The following BLMH variants were observed in gnomAD, a reference collection of about 807,000 sequenced individuals.
BLMH encodes bleomycin hydrolase.
In BLMH, 32 loss-of-function variants were observed where a neutral mutation model predicts 61.6. The observed-to-expected ratio is 0.52, with a 90% CI of 0.39 to 0.70. BLMH has a LOEUF of 0.70. Ranked by LOEUF, BLMH falls within the 30% of genes least tolerant of loss-of-function variation. The pLI, the probability that BLMH is intolerant of heterozygous loss-of-function variation, is 0.00. For synonymous variants in BLMH, 183 were observed against 193.8 expected, an observed-to-expected ratio of 0.94 and a Z score of 0.46; for missense variants, 460 against 555.5, an observed-to-expected ratio of 0.83 and a Z score of 1.73.
At chr17:30,259,282 T>C (rs1007794383) in intron 11 of BLMH, among the ~76,000 whole-genome samples, 1 of 152,210 alleles carries the variant, frequency 6.6e-6, no homozygotes, top group African/African-American at 2.4e-5. Flanking sequence ...TGGAGCATAA[T>C]AGGACAGCTG....
chr17:30,285,571 A>AT (rs1908704631), intron 5 of BLMH, 91 bp from the exon 6 acceptor site: 4 of 1,013,130 alleles, frequency 3.9e-6, no homozygotes, highest in Non-Finnish European at 5.8e-6. Context: ...ATTTTGAGGT[A>AT]TAACTCAGGC....
intron 11 of BLMH, among the ~76,000 whole-genome samples, chr17:30,258,222 A>T (rs1907867726): frequency 7.0e-6 from 1 of 143,566 alleles, no homozygotes; most frequent in Non-Finnish European, 1.5e-5. Context: ...TTGGATGTTT[A>T]AAAAAAAAAA....
intron 6 of BLMH, among the ~76,000 whole-genome samples, chr17:30,283,858 T>G (rs560369121): frequency 1.3e-5 from 2 of 152,126 alleles, no homozygotes; most frequent in African/African-American, 4.8e-5. Context: ...AGGCAAATTA[T>G]GTAGCAGATA....
At chr17:30,278,081 A>G (rs188119760) in intron 6 of BLMH, among the ~76,000 whole-genome samples, 1 of 152,310 alleles carries the variant, frequency 6.6e-6, no homozygotes, top group Non-Finnish European at 1.5e-5. Flanking sequence ...TGAGCCAAAT[A>G]ACAATAGTTA....
chr17:30,253,560 G>T, intron 11 of BLMH, among the ~76,000 whole-genome samples: 1 of 152,204 alleles, frequency 6.6e-6, no homozygotes, highest in East Asian at 1.9e-4. Flanking sequence ...TGAAACCTGT[G>T]TAGGAAGCAG....
At chr17:30,250,675 T>C (rs934348095) in intron 11 of BLMH, among the ~76,000 whole-genome samples, 4 of 152,206 alleles carry the variant, frequency 2.6e-5, no homozygotes, top group African/African-American at 4.8e-5. Flanking sequence ...GAAAACGGTA[T>C]GGAGATTCCT....
chr17:30,249,220 C>T lies in BLMH; in HGVS notation c.1217-52G>A. On this transcript the variant is annotated intron_variant, in intron 11 of 11. Coordinates refer to ENST00000261714, the MANE Select transcript of BLMH (RefSeq NM_000386.4). ...AGTCCAGAGGGCAAGGGACAAAGAGCAGAAACCCTTTTTGTAGGATAAACC... is the reference window on the plus strand; with the variant it reads ...AGTCCAGAGGGCAAGGGACAAAGAGTAGAAACCCTTTTTGTAGGATAAACC... The T allele has an allele frequency of 1.9e-6, 3 of 1,579,438 alleles. No individual in the cohort carries two copies. In the South Asian group the frequency reaches 3.4e-5, roughly 18 times the overall value.
chr17:30,291,494 T>C lies in BLMH; in HGVS notation c.28A>G (p.Lys10Glu). MSSSGLNSEKVAALIQKLNS... is the reference protein window; with the variant it reads MSSSGLNSEEVAALIQKLNS... ...AGTTTCTGTATCAGAGCAGCTACCT[T>C]CTCCGAATTCAGTCCTGTTGGGAGA... Residue 10 changes from lysine to glutamate, a missense_variant, in exon 2 of 12, where the codon AAG becomes GAG. By Grantham distance (56) the Lys-to-Glu change is moderately conservative. Transcript: ENST00000261714. 6.2e-7 allele frequency: 1 copy of C among 1,614,092 alleles called. No individual in the cohort carries two copies. Among genetic ancestry groups the C allele is most frequent in the East Asian group, 2.2e-5 (1 of 44,876 alleles).
chr17:30,275,166 G>A (rs1908383868), intron 6 of BLMH, among the ~76,000 whole-genome samples: 1 of 150,924 alleles, frequency 6.6e-6, no homozygotes, highest in African/African-American at 2.4e-5. Context: ...GCAGTGAGTT[G>A]AGATCACACC....
rs779032343 is a variant in BLMH, at chr17:30,272,608, A to G, written c.981T>C (p.Asp327=). 8 of 1,614,226 alleles carry G rather than the reference A, an allele frequency of 5.0e-6. No homozygotes were observed. The highest frequency in any genetic ancestry group is 6.8e-6 in the Non-Finnish European group (8 of 1,180,038). Residue 327 remains aspartate, a synonymous_variant, in exon 9 of 12, where the codon GAT becomes GAC. Transcript: ENST00000261714. ...KDGEAVWFGC[D]VGKHFNSKLG... ...GCTTGCTATTGAAGTGTTTTCCAAC[A>G]TCACAGCCAAACCACACAGCCTAGA...
At position 30,248,908 on chromosome 17, in the gene BLMH, G is replaced by A. The variant is rs986434787; in HGVS notation, c.*109C>T. On this transcript the variant is annotated 3_prime_UTR_variant, in exon 12 of 12. Transcript: ENST00000261714. ...TGGTGGAGACTGGAAATCTGACTGT[G>A]TCCTGTGGCAACACACAGTCCCTTG... The A allele has an allele frequency of 7.4e-6, 10 of 1,360,346 alleles. No individual in the cohort carries two copies. The highest frequency in any genetic ancestry group is 9.1e-6 in the Non-Finnish European group (9 of 986,320). The allele number at this position is 1,360,346 out of a possible 1,614,324, so 84.3% of individuals were successfully genotyped here. A position where few individuals can be genotyped will look rare whatever the true frequency, so the allele number is the denominator to read the frequency against.
chr17:30,290,268 G>A (rs1023073336), intron 2 of BLMH, among the ~76,000 whole-genome samples: 1 of 152,104 alleles, frequency 6.6e-6, no homozygotes, highest in Non-Finnish European at 1.5e-5. Context: ...CATGCTATTT[G>A]GATCTTTTGT....
intron 3 of BLMH, 31 bp downstream of exon 3, chr17:30,289,341 AC>A: frequency 1.4e-6 from 2 of 1,441,858 alleles, no homozygotes; most frequent in South Asian, 1.3e-5. Flanking sequence ...TGATATCAAT[AC>A]AAAAAGAATC....
In BLMH at chr17:30,265,437, T is replaced by G. The variant is rs1908075663; in HGVS notation, c.1216+1448A>C. 1.3e-5 allele frequency among the ~76,000 whole-genome samples: 2 copies of G among 152,170 alleles called. 1 individual carries two copies. The highest frequency in any genetic ancestry group is 4.8e-5 in the African/African-American group (2 of 41,416). On this transcript the variant is annotated intron_variant, in intron 11 of 11. Transcript: ENST00000261714. ...ACCTCCACACCCCCTCCTCTACCTT[T>G]TACCCTTGGAAATCCTACGGCTGTG...
At chr17:30,274,008 A>C in intron 7 of BLMH, 34 bp downstream of exon 7, 1 of 1,611,748 alleles carries the variant, frequency 6.2e-7, no homozygotes, top group South Asian at 1.1e-5. Context: ...ATTTGAAAGT[A>C]AACAGCCAGT....
rs960345119 is a variant in BLMH, at chr17:30,269,046, A to G, written c.1147-2092T>C. Among the ~76,000 whole-genome samples the G allele has an allele frequency of 2.0e-5, 3 of 151,642 alleles. No individual in the cohort carries two copies. The East Asian group carries it at 5.8e-4, about 29-fold the overall frequency. On this transcript the variant is annotated intron_variant, in intron 10 of 11. Transcript: ENST00000261714. ...CAGAGCAAGACTCAGTCTCAAAAAA[A>G]ACAAAAAAACAACAACAAAAAAACA...
At chr17:30,273,977 AATTCCCT>A (rs1442488251) in intron 7 of BLMH, 58 bp downstream of exon 7, 1 of 1,572,582 alleles carries the variant, frequency 6.4e-7, no homozygotes, top group African/African-American at 1.4e-5. Flanking sequence ...AATCTTATAC[AATTCCCT>A]GTGGTTAACA....
chr17:30,281,423 T>C (rs146651357), intron 6 of BLMH, among the ~76,000 whole-genome samples: 39 of 152,196 alleles, frequency 2.6e-4, no homozygotes, highest in Admixed American at 3.3e-4. Context: ...GGCACTACTT[T>C]AGACCACATC....
At chr17:30,283,733 G>A (rs1467788479) in intron 6 of BLMH, among the ~76,000 whole-genome samples, 1 of 152,028 alleles carries the variant, frequency 6.6e-6, no homozygotes, top group African/African-American at 2.4e-5. Flanking sequence ...TGTTGGTCAG[G>A]ATGGTCTTGA....
Sources: allele counts gnomAD v4.1 joint callset (sites outside exome capture counted in the v4.1 genomes callset), GRCh38; gene constraint gnomAD v4.1.1; transcripts MANE v1.5; gene names NCBI Gene and HGNC (gene_info 2026-07-23, HGNC 2026-07-21).